Variants in MAP3K13 observed in about 807,000 individuals in gnomAD.
MAP3K13 encodes leucine zipper-bearing kinase.
A neutral mutation model predicts 104.0 loss-of-function variants in MAP3K13; 52 were observed. The observed-to-expected ratio is 0.50, with a 90% CI of 0.40 to 0.63. The LOEUF (loss-of-function observed/expected upper bound fraction) is 0.63. Ranked by LOEUF, MAP3K13 falls within the 20% of genes least tolerant of loss-of-function variation. MAP3K13 has a pLI of 0.00. For missense variants in MAP3K13, 914 were observed against 1,218.5 expected, an observed-to-expected ratio of 0.75 and a Z score of 3.72; for synonymous variants, 394 against 442.2, an observed-to-expected ratio of 0.89 and a Z score of 1.37.
At chr3:185,474,676 G>A (rs554970280) in intron 11 of MAP3K13, among the ~76,000 whole-genome samples, 1 of 152,302 alleles carries the variant, frequency 6.6e-6, no homozygotes, top group East Asian at 1.9e-4. Context: ...GACCCAGATA[G>A]TTCTTAATCA....
intron 2 of MAP3K13, among the ~76,000 whole-genome samples, chr3:185,313,508 A>T (rs1238108932): frequency 6.6e-6 from 1 of 151,886 alleles, no homozygotes; most frequent in Non-Finnish European, 1.5e-5. Context: ...TCACCTCGTG[A>T]TCTGCCCACC....
intron 3 of MAP3K13, among the ~76,000 whole-genome samples, chr3:185,442,391 CTAGT>C (rs1715377062): frequency 1.3e-5 from 2 of 151,628 alleles, no homozygotes; most frequent in Non-Finnish European, 2.9e-5. Flanking sequence ...GGTCCTCAGT[CTAGT>C]TAGTTATTTT....
intron 7 of MAP3K13, among the ~76,000 whole-genome samples, chr3:185,455,232 TGA>T (rs1716420456): frequency 9.8e-6 from 1 of 102,236 alleles, no homozygotes; most frequent in South Asian, 3.6e-4. Flanking sequence ...ATGATATATA[TGA>T]GATATATATA....
intron 2 of MAP3K13, among the ~76,000 whole-genome samples, chr3:185,336,247 A>G (rs1276053877): frequency 1.3e-5 from 2 of 152,144 alleles, no homozygotes; most frequent in Non-Finnish European, 2.9e-5. Context: ...TAAATATAAA[A>G]AGAAAAGAAA....
At chr3:185,330,192 C>T (rs1451134578) in intron 2 of MAP3K13, among the ~76,000 whole-genome samples, 8 of 151,698 alleles carry the variant, frequency 5.3e-5, no homozygotes, top group Admixed American at 1.3e-4. Flanking sequence ...TGAGCCACCG[C>T]GCCCGGCCTA....
In MAP3K13 at chr3:185,436,415, A is replaced by G. The variant is rs1482799691; in HGVS notation, c.476-1032A>G. On this transcript the variant is annotated intron_variant, in intron 2 of 13. Transcript: ENST00000265026. ...TCAATTACTTTTGAGAGGCAATGTC[A>G]TATAGGAGAGAAAGCACTCTTCGTA... Among the ~76,000 whole-genome samples the G allele has an allele frequency of 2.6e-5, 4 of 152,352 alleles. No homozygotes were observed. In the East Asian group the frequency reaches 7.7e-4, roughly 29 times the overall value.
intron 2 of MAP3K13, among the ~76,000 whole-genome samples, chr3:185,338,181 TTAGCTGGG>T (rs1317586748): frequency 2.0e-5 from 3 of 151,594 alleles, no homozygotes; most frequent in Non-Finnish European, 4.4e-5. Flanking sequence ...ATACAAAAAA[TTAGCTGGG>T]TATGGTGGCG....
intron 1 of MAP3K13, among the ~76,000 whole-genome samples, chr3:185,420,594 A>G (rs901535143): frequency 6.6e-6 from 1 of 152,242 alleles, no homozygotes; most frequent in Non-Finnish European, 1.5e-5. Flanking sequence ...AGTAAAGAGA[A>G]GATAGCTTAG....
chr3:185,417,886 A>T, intron 1 of MAP3K13: 1 of 1,603,858 alleles, frequency 6.2e-7, no homozygotes, highest in South Asian at 1.1e-5. Context: ...GGCTCTTTGG[A>T]TCTCTGGGCT....
At position 185,480,487 on chromosome 3, in the gene MAP3K13, G is replaced by C; in HGVS notation, c.2757G>C (p.Gln919His). Residue 919 changes from glutamine to histidine, a missense_variant, in exon 13 of 14, where the codon CAG (glutamine) becomes CAC (histidine). Transcript: ENST00000265026. The stretch of plus-strand genomic sequence containing the variant: ...GTGCCGTGCGCCGTGTGAAGACTCA[G>C]ATGTCTCTGGGCAAGCTGTGTGTGG... ...KECAVRRVKT[Q>H]MSLGKLCVEE... 6.2e-7 allele frequency: 1 copy of C among 1,614,194 alleles called. No homozygotes were observed. The highest frequency in any genetic ancestry group is 8.5e-7 in the Non-Finnish European group (1 of 1,180,018).
chr3:185,385,895 C>T (rs1711659441), intron 1 of MAP3K13, among the ~76,000 whole-genome samples: 1 of 151,972 alleles, frequency 6.6e-6, no homozygotes, highest in Admixed American at 6.6e-5. Flanking sequence ...CCAACGTACT[C>T]AGGAGGCTGA....
chr3:185,353,611 T>TG (rs1257312384), intron 2 of MAP3K13, among the ~76,000 whole-genome samples: 4 of 152,246 alleles, frequency 2.6e-5, no homozygotes, highest in Non-Finnish European at 5.9e-5. Flanking sequence ...CTACATAGTA[T>TG]GGACCTGTTT....
At chr3:185,312,744 T>C (rs1319619662) in intron 2 of MAP3K13, among the ~76,000 whole-genome samples, 1 of 152,148 alleles carries the variant, frequency 6.6e-6, no homozygotes, top group Non-Finnish European at 1.5e-5. Flanking sequence ...TTGAATAAAG[T>C]AGAAATAGAT....
intron 1 of MAP3K13, among the ~76,000 whole-genome samples, chr3:185,283,720 G>C (rs1443942539): frequency 4.6e-5 from 7 of 152,086 alleles, no homozygotes; most frequent in Admixed American, 2.6e-4. Context: ...GGGTGGAGAG[G>C]ATGAGTCATT....
At chr3:185,470,113 A>C (rs1345060655) in intron 10 of MAP3K13, among the ~76,000 whole-genome samples, 2 of 152,190 alleles carry the variant, frequency 1.3e-5, no homozygotes, top group Non-Finnish European at 2.9e-5. Context: ...CGGTTCCACT[A>C]TACCTTTTTT....
chr3:185,374,892 A>G (rs914380291), intron 1 of MAP3K13, among the ~76,000 whole-genome samples: 6 of 152,130 alleles, frequency 3.9e-5, no homozygotes, highest in African/African-American at 1.4e-4. Flanking sequence ...ATAGCTGGAG[A>G]GAGGTAGAGG....
chr3:185,394,792 T>C (rs1371498587), intron 1 of MAP3K13, among the ~76,000 whole-genome samples: 1 of 152,178 alleles, frequency 6.6e-6, no homozygotes, highest in African/African-American at 2.4e-5. Flanking sequence ...GAGAGGAAAC[T>C]TTCTAGAAAG....
chr3:185,383,656 C>G (rs1034269607), intron 1 of MAP3K13, among the ~76,000 whole-genome samples: 2 of 152,140 alleles, frequency 1.3e-5, no homozygotes, highest in African/African-American at 4.8e-5. Context: ...CCTTCACCAT[C>G]TGCCATAAGT....
chr3:185,310,635 T>G (rs902131690), intron 2 of MAP3K13, among the ~76,000 whole-genome samples: 2 of 151,614 alleles, frequency 1.3e-5, no homozygotes, highest in African/African-American at 4.9e-5. Flanking sequence ...TTCAACAGAC[T>G]GGAAAGAGGT....
Sources: gnomAD v4.1 joint callset for allele counts (sites outside exome capture counted in the v4.1 genomes callset) on GRCh38, gnomAD v4.1.1 for gene constraint, MANE v1.5 for transcripts, NCBI Gene and HGNC (gene_info 2026-07-23, HGNC 2026-07-21) for gene names.